PPM1G: variants seen among roughly 807,000 people sequenced by gnomAD.
PPM1G encodes protein phosphatase, Mg2+/Mn2+ dependent 1G.
In PPM1G, 12 loss-of-function variants were observed where a neutral mutation model predicts 59.4. That is an observed-to-expected ratio of 0.20 (90% CI 0.13 to 0.33). The LOEUF (loss-of-function observed/expected upper bound fraction) is 0.33. Ranked by LOEUF, PPM1G falls within the 10% of genes least tolerant of loss-of-function variation. The pLI is 1.00. For missense variants in PPM1G, 392 were observed against 681.3 expected (o/e 0.58, Z 4.73); for synonymous variants, 245 against 251.9 (o/e 0.97, Z 0.26).
chr2:27,383,645 G>C lies in PPM1G; in HGVS notation c.967-45C>G. ...GCATCATGGGGGCTTCTGAACATGC[G>C]TTCCTCACTGATGTGCTCCTGATCG... On this transcript the variant is annotated intron_variant, in intron 6 of 9. Coordinates refer to ENST00000344034, the MANE Select transcript of PPM1G (RefSeq NM_177983.3). The surrounding 1 kb of genome is among the most constrained non-coding windows in gnomAD (Gnocchi z 5.0). The C allele has an allele frequency of 6.6e-7, 1 of 1,525,232 alleles. No homozygotes were observed. 94.5% of individuals were successfully genotyped at this position (1,525,232 alleles called of 1,614,324 possible). A position where few individuals can be genotyped will look rare whatever the true frequency, so the allele number is the denominator to read the frequency against.
Position 27,385,419 on chromosome 2 carries a change from G to C in PPM1G, c.409+328C>G. On this transcript the variant is annotated intron_variant, in intron 4 of 9. Transcript: ENST00000344034. This position sits in a 1 kb window ranked among gnomAD's most constrained non-coding sequence, Gnocchi z 4.1. Reference sequence around the variant, plus strand: ...AATGCTACTGTGAATTAGGATTTAGGCTTAATGATTGGCTATTGGGGCTAA... The same window carrying C: ...AATGCTACTGTGAATTAGGATTTAGCCTTAATGATTGGCTATTGGGGCTAA... 2.4e-6 allele frequency: 1 copy of C among 421,922 alleles called. No individual in the cohort carries two copies. The highest frequency in any genetic ancestry group is 4.2e-6 in the Non-Finnish European group (1 of 239,344). The allele number at this position is 421,922 out of a possible 1,614,324, so 26.1% of individuals were successfully genotyped here. A position where few individuals can be genotyped will look rare whatever the true frequency, so the allele number is the denominator to read the frequency against.
Position 27,382,712 on chromosome 2 carries a change from A to C in PPM1G, c.1202-107T>G. On this transcript the variant is annotated intron_variant, in intron 7 of 9. Coordinates refer to ENST00000344034, the MANE Select transcript of PPM1G (RefSeq NM_177983.3). This position sits in a 1 kb window ranked among gnomAD's most constrained non-coding sequence, Gnocchi z 4.2. ...TTTCCCTTCTTTACAAAGTTCCATA[A>C]TCTAGTGGAATGGGGAACTGAGTCC... 1 of 1,395,500 alleles carries C rather than the reference A, an allele frequency of 7.2e-7. No homozygotes were observed. The highest frequency in any genetic ancestry group is 9.9e-7 in the Non-Finnish European group (1 of 1,011,804). 86.4% of individuals were successfully genotyped at this position (1,395,500 alleles called of 1,614,324 possible). A position where few individuals can be genotyped will look rare whatever the true frequency, so the allele number is the denominator to read the frequency against.
At chr2:27,394,741 TAAAAAAAAAAA>T (rs397868730) in intron 1 of PPM1G, among the ~76,000 whole-genome samples, 2 of 107,912 alleles carry the variant, frequency 1.9e-5, no homozygotes, top group Admixed American at 1.0e-4. Flanking sequence ...GACTCTGTCT[TAAAAAAAAAAA>T]AAAAAAAAAA....
chr2:27,384,550 ATAC>A lies in PPM1G; in HGVS notation c.825+120_825+122del. ...AATGAATTCAAGACTAAAGCTTAGA[ATAC>A]AGTGGGTCTTGGGGGATGATGTCAA... On this transcript the variant is annotated intron_variant, in intron 5 of 9. Transcript: ENST00000344034. This position sits in a 1 kb window ranked among gnomAD's most constrained non-coding sequence, Gnocchi z 4.8. 8.2e-7 allele frequency: 1 copy of A among 1,215,542 alleles called. No homozygotes were observed. 75.3% of individuals were successfully genotyped at this position (1,215,542 alleles called of 1,614,324 possible). A position where few individuals can be genotyped will look rare whatever the true frequency, so the allele number is the denominator to read the frequency against.
At chr2:27,393,114 T>A (rs908355864) in intron 1 of PPM1G, 10 of 1,314,894 alleles carry the variant, frequency 7.6e-6, no homozygotes, top group South Asian at 4.7e-5. Context: ...TTTCTTGATA[T>A]CCTGAAGGAA....
chr2:27,395,640 C>A (rs1401004908), intron 1 of PPM1G, among the ~76,000 whole-genome samples: 6 of 151,912 alleles, frequency 3.9e-5, no homozygotes, highest in Non-Finnish European at 8.8e-5. Context: ...CTCAGAAGTT[C>A]AAGACCAGCC....
chr2:27,392,635 T>G, intron 1 of PPM1G: 1 of 558,760 alleles, frequency 1.8e-6, no homozygotes, highest in Non-Finnish European at 3.2e-6. Flanking sequence ...GTACCAAATT[T>G]ATTTATTTGA....
intron 1 of PPM1G, chr2:27,393,149 C>T: frequency 1.4e-6 from 2 of 1,418,804 alleles, no homozygotes; most frequent in Admixed American, 1.7e-5. Flanking sequence ...GTTGGTTCTA[C>T]AGCTTCATCA....
Position 27,409,527 on chromosome 2 carries a change from A to G in PPM1G, c.-105T>C. 7.6e-7 allele frequency: 1 copy of G among 1,311,610 alleles called. No individual in the cohort carries two copies. The allele number at this position is 1,311,610 out of a possible 1,614,324, so 81.2% of individuals were successfully genotyped here. The stretch of plus-strand genomic sequence containing the variant: ...CGGCAGGAGCAGGCCCCGCGGCGCG[A>G]CCGACGCAAGGTGCCGGTGAAAGGC... On this transcript the variant is annotated 5_prime_UTR_variant, in exon 1 of 10. Coordinates refer to ENST00000344034, the MANE Select transcript of PPM1G (RefSeq NM_177983.3).
intron 1 of PPM1G, among the ~76,000 whole-genome samples, chr2:27,391,140 G>A (rs1368959592): frequency 6.6e-6 from 1 of 152,214 alleles, no homozygotes; most frequent in Admixed American, 6.5e-5. Context: ...GTGCCACAAT[G>A]AACATACAGG....
rs1405237234 is a variant in PPM1G, at chr2:27,386,237, A to G, written c.233T>C (p.Ile78Thr). The change falls in exon 3 of 10, where the codon ATC becomes ACC. Residue 78 changes from isoleucine to threonine, a missense_variant. Physicochemically the swap from Ile to Thr is moderately conservative, Grantham distance 89. This residue lies in a region of PPM1G where 68 missense variants were observed against 145.9 expected (regional missense o/e 0.47). Transcript: ENST00000344034. ...CTTGTAGGCCTTCTGATCTTTGATG[A>G]TATCAGGAAGATATTTGGCACAGTA... is the stretch of plus-strand genomic sequence containing the variant. ...ALYCAKYLPDIIKDQKAYKEG... is the reference protein window; with the variant it reads ...ALYCAKYLPDTIKDQKAYKEG... 5 of 1,613,836 alleles carry G rather than the reference A, an allele frequency of 3.1e-6. No individual in the cohort carries two copies. The highest frequency in any genetic ancestry group is 2.2e-5 in the South Asian group (2 of 91,076).
At position 27,382,300 on chromosome 2, in the gene PPM1G, G is replaced by A. The variant is rs1447856227; in HGVS notation, c.1332-72C>T. On this transcript the variant is annotated intron_variant, in intron 8 of 9. Transcript: ENST00000344034. The surrounding 1 kb of genome is among the most constrained non-coding windows in gnomAD (Gnocchi z 4.2). ...GCGTAGAGGAGTATGGACAGAGGTG[G>A]TGGCCCAGGCCAGTGTAAATAACTA... 7.7e-6 allele frequency: 12 copies of A among 1,567,530 alleles called. No homozygotes were observed. The highest frequency in any genetic ancestry group is 1.7e-4 in the Middle Eastern group (1 of 5,980).
intron 1 of PPM1G, 57 bp downstream of exon 1, chr2:27,409,246 T>A: frequency 1.3e-6 from 2 of 1,518,688 alleles, no homozygotes; most frequent in Non-Finnish European, 1.8e-6. Context: ...CCCCGCTCTC[T>A]TTCTCCGTCA....
At chr2:27,393,247 A>G in intron 1 of PPM1G, 13 of 1,581,326 alleles carry the variant, frequency 8.2e-6, no homozygotes, top group Non-Finnish European at 1.0e-5. Flanking sequence ...CTGTCAAAGT[A>G]GTAAGCCACG....
At chr2:27,399,644 A>T (rs547862000) in intron 1 of PPM1G, among the ~76,000 whole-genome samples, 2 of 152,172 alleles carry the variant, frequency 1.3e-5, no homozygotes, top group African/African-American at 4.8e-5. Context: ...AAACATCATT[A>T]GCCATTTAGC....
Position 27,382,837 on chromosome 2 carries a change from T to TC in PPM1G, c.1202-233_1202-232insG, listed in dbSNP as rs1298960654. Among the ~76,000 whole-genome samples the TC allele has an allele frequency of 6.6e-6, 1 of 151,430 alleles. No individual in the cohort carries two copies. The highest frequency in any genetic ancestry group is 1.5e-5 in the Non-Finnish European group (1 of 67,858). ...TATTTTAAGTCTTTTTTGTTTTTTT[T>TC]TTTTTGAGACGGAGTTTCACTCTTG... On this transcript the variant is annotated intron_variant, in intron 7 of 9. Transcript: ENST00000344034. The surrounding 1 kb of genome is among the most constrained non-coding windows in gnomAD (Gnocchi z 4.2).
chr2:27,393,752 TTTTTTA>T (rs1384353232), intron 1 of PPM1G, among the ~76,000 whole-genome samples: 85 of 151,462 alleles, frequency 5.6e-4, no homozygotes, highest in African/African-American at 2.0e-3. Context: ...ACCCAGCTAA[TTTTTTA>T]TTTTTATTTA....
In PPM1G at chr2:27,383,644, C is replaced by T. The variant is rs546323152; in HGVS notation, c.967-44G>A. The T allele has an allele frequency of 1.3e-5, 20 of 1,530,220 alleles. No individual in the cohort carries two copies. Among genetic ancestry groups the T allele is most frequent in the East Asian group, 4.8e-5 (2 of 42,014 alleles). 94.8% of individuals were successfully genotyped at this position (1,530,220 alleles called of 1,614,324 possible). ...AGCATCATGGGGGCTTCTGAACATG[C>T]GTTCCTCACTGATGTGCTCCTGATC... On this transcript the variant is annotated intron_variant, in intron 6 of 9. Coordinates refer to ENST00000344034, the MANE Select transcript of PPM1G (RefSeq NM_177983.3). The surrounding 1 kb of genome is among the most constrained non-coding windows in gnomAD (Gnocchi z 5.0).
chr2:27,397,914 A>G (rs753866273), intron 1 of PPM1G, among the ~76,000 whole-genome samples: 11 of 152,104 alleles, frequency 7.2e-5, no homozygotes, highest in Non-Finnish European at 1.2e-4. Context: ...ATAAAAGGGA[A>G]CTTCCTAAAC....
Sources: allele counts gnomAD v4.1 joint callset (sites outside exome capture counted in the v4.1 genomes callset), GRCh38; gene constraint gnomAD v4.1.1; regional missense constraint gnomAD v4.1.1; non-coding constraint Gnocchi (gnomAD v3.1); transcripts MANE v1.5; gene names NCBI Gene and HGNC (gene_info 2026-07-23, HGNC 2026-07-21).